The following SIMC1 variants were observed in gnomAD, a reference collection of about 807,000 sequenced individuals.
SIMC1 encodes the protein SUMO-interacting motif-containing protein 1.
In SIMC1, 55 loss-of-function variants were observed where a neutral mutation model predicts 82.3. That is an observed-to-expected ratio of 0.67 (90% CI 0.54 to 0.84). The LOEUF is 0.84. SIMC1 is among the 40% of genes least tolerant of loss of function. The pLI is 0.00. For missense variants in SIMC1, 915 were observed against 1,107.2 expected (o/e 0.83, Z 2.46); for synonymous variants, 353 against 426.3 (o/e 0.83, Z 2.12).
chr5:176,322,236 G>A, intron 5 of SIMC1, 37 bp from the exon 6 acceptor site: 2 of 1,517,464 alleles, frequency 1.3e-6, no homozygotes, highest in Non-Finnish European at 1.8e-6. Context: ...CACAGAAAAA[G>A]AAAGAATAAA....
chr5:176,276,381 T>C (rs2113202441), intron 1 of SIMC1, among the ~76,000 whole-genome samples: 1 of 151,700 alleles, frequency 6.6e-6, no homozygotes, highest in East Asian at 1.9e-4. Context: ...TTATTAGTCT[T>C]GCTAGCGGTC....
chr5:176,306,421 G>C (rs1487811792), intron 4 of SIMC1, among the ~76,000 whole-genome samples: 2 of 113,960 alleles, frequency 1.8e-5, no homozygotes, highest in African/African-American at 5.2e-5. Context: ...GTGCCCAACA[G>C]CTCATTGAGA....
intron 4 of SIMC1, among the ~76,000 whole-genome samples, chr5:176,306,953 C>A (rs1490441374): frequency 6.6e-6 from 1 of 151,644 alleles, no homozygotes; most frequent in Non-Finnish European, 1.5e-5. Flanking sequence ...ACTCCAGCAA[C>A]TCAACAACAA....
chr5:176,320,556 A>C, intron 5 of SIMC1, among the ~76,000 whole-genome samples: 1 of 151,830 alleles, frequency 6.6e-6, no homozygotes, highest in East Asian at 1.9e-4. Context: ...TTTTAGTAGA[A>C]ACAGGTTTTC....
intron 1 of SIMC1, among the ~76,000 whole-genome samples, chr5:176,286,440 A>G (rs1364006032): frequency 6.6e-6 from 1 of 152,260 alleles, no homozygotes; most frequent in Non-Finnish European, 1.5e-5. Flanking sequence ...CCAAATGTAG[A>G]AAGCTGAAAC....
chr5:176,338,437 G>A (rs1391138363), intron 9 of SIMC1, among the ~76,000 whole-genome samples: 1 of 152,054 alleles, frequency 6.6e-6, no homozygotes, highest in South Asian at 2.1e-4. Context: ...TGAGTCCAAG[G>A]AACATAGAAC....
intron 4 of SIMC1, among the ~76,000 whole-genome samples, chr5:176,307,900 AC>A (rs1764496650): frequency 6.6e-6 from 1 of 152,226 alleles, no homozygotes. Flanking sequence ...TATAGACCCA[AC>A]AAAAATGAAA....
intron 7 of SIMC1, among the ~76,000 whole-genome samples, chr5:176,331,153 G>A (rs1426529693): frequency 2.0e-5 from 3 of 151,676 alleles, no homozygotes; most frequent in African/African-American, 4.8e-5. Flanking sequence ...GGTGGATCAC[G>A]AGGTCAGGAG....
intron 4 of SIMC1, chr5:176,304,179 G>A (rs1405115984): frequency 1.0e-5 from 1 of 98,864 alleles, no homozygotes; most frequent in Admixed American, 9.5e-5. Context: ...TATATCTGAT[G>A]AGGGTTAATA....
intron 1 of SIMC1, among the ~76,000 whole-genome samples, chr5:176,255,975 G>C (rs909045330): frequency 2.1e-4 from 32 of 152,254 alleles, no homozygotes; most frequent in Non-Finnish European, 4.3e-4. Flanking sequence ...AGGCAGAAAT[G>C]TCTGACCTGC....
chr5:176,342,550 G>T (rs1341942463), intron 9 of SIMC1, among the ~76,000 whole-genome samples: 2 of 152,158 alleles, frequency 1.3e-5, no homozygotes, highest in East Asian at 3.8e-4. Context: ...AAGGTCGAGG[G>T]GCTGCACCCG....
chr5:176,275,384 GGC>G (rs2113198165), intron 1 of SIMC1, among the ~76,000 whole-genome samples: 1 of 151,896 alleles, frequency 6.6e-6, no homozygotes, highest in East Asian at 1.9e-4. Context: ...TGAGACAATG[GGC>G]TTTTCTAAAT....
At chr5:176,248,423 T>A (rs1285131108) in intron 1 of SIMC1, among the ~76,000 whole-genome samples, 1 of 152,138 alleles carries the variant, frequency 6.6e-6, no homozygotes, top group Non-Finnish European at 1.5e-5. Flanking sequence ...ATTATTGGTG[T>A]ATAGGAATGC....
chr5:176,248,591 C>G (rs951328766), intron 1 of SIMC1, among the ~76,000 whole-genome samples: 11 of 152,048 alleles, frequency 7.2e-5, no homozygotes, highest in Non-Finnish European at 1.0e-4. Context: ...ATTTGAATAC[C>G]CTTTATTTCT....
chr5:176,345,749 GAA>G lies in SIMC1; in HGVS notation c.*309_*310del, dbSNP rs941375217. On this transcript the variant is annotated 3_prime_UTR_variant, in exon 10 of 10. Coordinates refer to ENST00000429602, the MANE Select transcript of SIMC1 (RefSeq NM_001308195.2). The stretch of plus-strand genomic sequence containing the variant: ...GTTTAACATTTTCATTCAAGATGTG[GAA>G]AAAATCCCTCTGCTGAACCTAGTCT... 6.1e-6 allele frequency: 1 copy of G among 163,464 alleles called. No homozygotes were observed. The highest frequency in any genetic ancestry group is 2.4e-5 in the African/African-American group (1 of 41,848). The allele number at this position is 163,464 out of a possible 1,614,324, so 10.1% of individuals were successfully genotyped here. A position where few individuals can be genotyped will look rare whatever the true frequency, so the allele number is the denominator to read the frequency against.
chr5:176,295,697 C>T (rs1272529742), intron 3 of SIMC1, among the ~76,000 whole-genome samples: 1 of 149,410 alleles, frequency 6.7e-6, no homozygotes, highest in Non-Finnish European at 1.5e-5. Context: ...AGCCTCTCAG[C>T]CTCAGTTCTG....
At chr5:176,247,986 A>C (rs1205143055) in intron 1 of SIMC1, among the ~76,000 whole-genome samples, 1 of 151,852 alleles carries the variant, frequency 6.6e-6, no homozygotes, top group Non-Finnish European at 1.5e-5. Flanking sequence ...TGGTACCAGT[A>C]CCATCCTGTT....
rs1284090101 is a variant in SIMC1 at position 176,297,493 on chromosome 5, ACT to A, written c.1734+1176_1734+1177del. Among the ~76,000 whole-genome samples the A allele has an allele frequency of 4.3e-5, 6 of 139,714 alleles. No homozygotes were observed. In the Admixed American group the frequency reaches 4.6e-4, roughly 11 times the overall value. The allele number at this position is 139,714 out of a possible 152,430, so 91.7% of individuals were successfully genotyped here. ...CTCTAGTCTGGGCAGCAAGAGCGAA[ACT>A]CTGTCTCAAAAAAAAAAAAAAAAAA... On this transcript the variant is annotated intron_variant, in intron 4 of 9. Transcript: ENST00000429602.
Position 176,345,599 on chromosome 5 carries a change from T to C in SIMC1, c.*154T>C. Reference sequence around the variant, plus strand: ...GTAATTTCTAACTCTAGTAAATATCTTTTTTTAAATAATCCTATCCTAGCC... The same window carrying C: ...GTAATTTCTAACTCTAGTAAATATCCTTTTTTAAATAATCCTATCCTAGCC... On this transcript the variant is annotated 3_prime_UTR_variant, in exon 10 of 10. Transcript: ENST00000429602. The C allele has an allele frequency of 1.3e-6, 1 of 750,790 alleles. No homozygotes were observed. Among genetic ancestry groups the C allele is most frequent in the Non-Finnish European group, 2.0e-6 (1 of 497,548 alleles). 46.5% of individuals were successfully genotyped at this position (750,790 alleles called of 1,614,324 possible).
Sources: allele counts gnomAD v4.1 joint callset (sites outside exome capture counted in the v4.1 genomes callset), GRCh38; gene constraint gnomAD v4.1.1; transcripts MANE v1.5; gene names NCBI Gene and HGNC (gene_info 2026-07-23, HGNC 2026-07-21).